FGFRL1: variants seen among roughly 807,000 people sequenced by gnomAD.
The protein encoded by FGFRL1 is fibroblast growth factor receptor like 1.
In FGFRL1, 24 loss-of-function variants were observed where a neutral mutation model predicts 36.8. The ratio of observed to expected loss-of-function variants is 0.65; its 90% CI spans 0.47 to 0.92. The LOEUF (loss-of-function observed/expected upper bound fraction) is 0.92. FGFRL1 is among the 40% of genes least tolerant of loss of function. FGFRL1 has a pLI of 0.00. For missense variants in FGFRL1, 785 were observed against 753.4 expected (o/e 1.04, Z -0.49); for synonymous variants, 422 against 344.1 (o/e 1.23, Z -2.50).
rs551582244 is a variant in FGFRL1 at position 1,012,680 on chromosome 4, C to T, written c.79+116C>T. 5.3e-5 allele frequency: 23 copies of T among 433,734 alleles called. No homozygotes were observed. The East Asian group carries it at 8.6e-4, about 16-fold the overall frequency. The allele number at this position is 433,734 out of a possible 1,614,324, so 26.9% of individuals were successfully genotyped here. ...GGCACGCGCCATGCCCCGCCCCTGC[C>T]GCCCCGCTCGCCAGGCCCCCTTCCT... On this transcript the variant is annotated intron_variant, in intron 2 of 6. Coordinates refer to ENST00000510644, the MANE Select transcript of FGFRL1 (RefSeq NM_001004356.3).
In FGFRL1 at chr4:1,023,310, G is replaced by A. The variant is rs1219358283; in HGVS notation, c.353-331G>A. On this transcript the variant is annotated intron_variant, in intron 3 of 6. Transcript: ENST00000510644. The surrounding 1 kb of genome is among the most constrained non-coding windows in gnomAD (Gnocchi z 6.0). ...GAGTCTCGTCTGTTCACCAGCCCTC[G>A]GCCCCTTGATGTAGGCTAGGGTTAC... 1.3e-5 allele frequency among the ~76,000 whole-genome samples: 2 copies of A among 151,504 alleles called. No individual in the cohort carries two copies. The highest frequency in any genetic ancestry group is 2.1e-4 in the South Asian group (1 of 4,816).
intron 2 of FGFRL1, among the ~76,000 whole-genome samples, chr4:1,019,584 C>G (rs953867107): frequency 6.6e-6 from 1 of 152,188 alleles, no homozygotes; most frequent in African/African-American, 2.4e-5. Flanking sequence ...GTGCTGTGGG[C>G]CCTGCAGCCG....
chr4:1,024,720 G>A, intron 6 of FGFRL1, 56 bp downstream of exon 6: 1 of 1,515,610 alleles, frequency 6.6e-7, no homozygotes, highest in South Asian at 1.3e-5. Flanking sequence ...CGCCCCCTGG[G>A]CCCGGCGTCC....
At chr4:1,016,858 C>G (rs113674020) in intron 2 of FGFRL1, among the ~76,000 whole-genome samples, 1 of 152,128 alleles carries the variant, frequency 6.6e-6, no homozygotes, top group Non-Finnish European at 1.5e-5. Flanking sequence ...GCCACTCTTG[C>G]ACTTGGCTTC....
chr4:1,022,492 G>A lies in FGFRL1; in HGVS notation c.352+17G>A. 6.4e-7 allele frequency: 1 copy of A among 1,574,018 alleles called. No homozygotes were observed. On this transcript the variant is annotated intron_variant, in intron 3 of 6. Coordinates refer to ENST00000510644, the MANE Select transcript of FGFRL1 (RefSeq NM_001004356.3). ...TCGTGCTGGGTTAGTCGCTGCTGCG[G>A]TCAGAGGTCATGGGCTGGGTTGGAG...
intron 2 of FGFRL1, among the ~76,000 whole-genome samples, chr4:1,019,740 G>A (rs948255524): frequency 1.3e-5 from 2 of 152,214 alleles, no homozygotes; most frequent in Non-Finnish European, 2.9e-5. Flanking sequence ...AGGGAAGGAG[G>A]GGCTTCAGGG....
At chr4:1,020,074 C>A (rs972556287) in intron 2 of FGFRL1, among the ~76,000 whole-genome samples, 2 of 152,224 alleles carry the variant, frequency 1.3e-5, no homozygotes, top group African/African-American at 2.4e-5. Flanking sequence ...CTGTGAGGGT[C>A]CCTGTCCCCA....
At chr4:1,012,615 C>T (rs1285472133) in intron 2 of FGFRL1, 51 bp downstream of exon 2, 2 of 856,460 alleles carry the variant, frequency 2.3e-6, no homozygotes, top group East Asian at 3.3e-5. Context: ...AGCGCCGCCC[C>T]CTTCCCGCCC....
intron 2 of FGFRL1, among the ~76,000 whole-genome samples, chr4:1,020,037 G>A (rs767571789): frequency 1.3e-5 from 2 of 152,258 alleles, no homozygotes; most frequent in Non-Finnish European, 2.9e-5. Flanking sequence ...CTGATTGGGA[G>A]GCCTCCAGAG....
chr4:1,021,568 C>T (rs926497884), intron 2 of FGFRL1, among the ~76,000 whole-genome samples: 1 of 152,162 alleles, frequency 6.6e-6, no homozygotes, highest in African/African-American at 2.4e-5. Context: ...GATATTGACA[C>T]AGACGTGGGT....
At chr4:1,017,783 T>A (rs548333338) in intron 2 of FGFRL1, among the ~76,000 whole-genome samples, 7 of 152,222 alleles carry the variant, frequency 4.6e-5, no homozygotes, top group African/African-American at 1.7e-4. Flanking sequence ...CCCTCCTTGC[T>A]CCCTGTAGGA....
At chr4:1,019,147 AG>A (rs1577562492) in intron 2 of FGFRL1, among the ~76,000 whole-genome samples, 1 of 152,134 alleles carries the variant, frequency 6.6e-6, no homozygotes, top group Non-Finnish European at 1.5e-5. Context: ...TACCTCACCA[AG>A]CCTTGCTTGT....
intron 2 of FGFRL1, 77 bp downstream of exon 2, chr4:1,012,641 C>G: frequency 1.7e-6 from 1 of 598,292 alleles, no homozygotes. Context: ...TGAACCCTGC[C>G]ACAGTGCCCG....
chr4:1,024,733 C>T (rs1009765454), intron 6 of FGFRL1, 69 bp downstream of exon 6: 1 of 1,490,636 alleles, frequency 6.7e-7, no homozygotes, highest in Non-Finnish European at 9.0e-7. Context: ...CGGCGTCCCA[C>T]CCACCGGGTG....
At chr4:1,021,629 G>A (rs1560562369) in intron 2 of FGFRL1, among the ~76,000 whole-genome samples, 1 of 152,168 alleles carries the variant, frequency 6.6e-6, no homozygotes, top group Non-Finnish European at 1.5e-5. Context: ...AGCCCGCCGT[G>A]CTCGGTTGCT....
At chr4:1,024,273 C>T (rs553859561) in intron 5 of FGFRL1, 38 bp from the exon 6 acceptor site, 248 of 1,545,470 alleles carry the variant, frequency 1.6e-4, no homozygotes, top group East Asian at 8.8e-4. Flanking sequence ...GAGTCCGGCG[C>T]GGCCCAGGAG....
At position 1,026,130 on chromosome 4, in the gene FGFRL1, TCA is replaced by T. The variant is rs996889413; in HGVS notation, c.*789_*790del. The T allele has an allele frequency of 6.8e-6, 1 of 146,736 alleles. No individual in the cohort carries two copies. The highest frequency in any genetic ancestry group is 1.5e-5 in the Non-Finnish European group (1 of 68,560). The allele number at this position is 146,736 out of a possible 1,614,324, so 9.1% of individuals were successfully genotyped here. ...CACACAGATAATGCTGCCTCAACACTCACACACGTGCAGATATTGCCTGGACA... is the reference window on the plus strand; with the variant it reads ...CACACAGATAATGCTGCCTCAACACTCACACGTGCAGATATTGCCTGGACA... On this transcript the variant is annotated 3_prime_UTR_variant, in exon 7 of 7. Transcript: ENST00000510644.
rs80019124 is a variant in FGFRL1 at position 1,025,222 on chromosome 4, C to G, written c.1390C>G (p.Pro464Ala). The G allele has an allele frequency of 2.1e-5, 33 of 1,609,722 alleles. No homozygotes were observed. In the East Asian group the frequency reaches 6.9e-4, roughly 34 times the overall value. ...AAPQHLLGPG[P>A]VAGPKLYPKL... Reference sequence around the variant, plus strand: ...CCCCCAGCACTTACTGGGCCCAGGCCCAGTTGCTGGCCCTAAGTTGTACCC... The same window carrying G: ...CCCCCAGCACTTACTGGGCCCAGGCGCAGTTGCTGGCCCTAAGTTGTACCC... Residue 464 changes from proline to alanine, a missense_variant, in exon 7 of 7, where the codon CCA (proline) becomes GCA (alanine). By Grantham distance (27) the Pro-to-Ala change is conservative. Transcript: ENST00000510644.
Position 1,023,715 on chromosome 4 carries a change from CAGTGGGGTGAG to C in FGFRL1, c.428_433+5del. On this transcript the variant is annotated splice_donor_variant and splice_donor_5th_base_variant and coding_sequence_variant and intron_variant, in exon 4 of 7. Coordinates refer to ENST00000510644, the MANE Select transcript of FGFRL1 (RefSeq NM_001004356.3). LOFTEE classifies it high-confidence loss of function. This position sits in a 1 kb window ranked among gnomAD's most constrained non-coding sequence, Gnocchi z 6.0. Reference sequence around the variant, plus strand: ...GGGTCAAGAGGACCCCGCCAGCCAGCAGTGGGGTGAGCAGGGGGTGACGGGGGTGGGGGGCG... The same window carrying C: ...GGGTCAAGAGGACCCCGCCAGCCAGCCAGGGGGTGACGGGGGTGGGGGGCG... 6.3e-7 allele frequency: 1 copy of C among 1,583,176 alleles called. No homozygotes were observed.
Sources: allele counts gnomAD v4.1 joint callset (sites outside exome capture counted in the v4.1 genomes callset), GRCh38; gene constraint gnomAD v4.1.1; non-coding constraint Gnocchi (gnomAD v3.1); transcripts MANE v1.5; gene names NCBI Gene and HGNC (gene_info 2026-07-23, HGNC 2026-07-21).